Variants in PLEKHA6 observed in about 807,000 individuals in gnomAD.
PLEKHA6 encodes the protein pleckstrin homology domain containing A6.
Under a neutral mutation model 116.7 loss-of-function variants are expected in PLEKHA6, and 60 were observed. The observed-to-expected ratio is 0.51, with a 90% CI of 0.42 to 0.64. PLEKHA6 has a LOEUF of 0.64. Among genes scored for constraint, PLEKHA6 ranks in the 30% least tolerant of loss-of-function variants. The pLI is 0.00. For synonymous variants in PLEKHA6, 489 were observed against 556.1 expected (o/e 0.88, Z 1.70); for missense variants, 1,338 against 1,422.7 (o/e 0.94, Z 0.96).
At chr1:204,362,934 T>C (rs1364062344), upstream of PLEKHA6, among the ~76,000 whole-genome samples, 3 of 152,240 alleles carry the variant, frequency 2.0e-5, no homozygotes, top group African/African-American at 7.2e-5. Context: ...CAGCCTGTTT[T>C]CCTCACCTGC....
At chr1:204,236,653 G>C (rs1483128657) in intron 17 of PLEKHA6, among the ~76,000 whole-genome samples, 3 of 152,176 alleles carry the variant, frequency 2.0e-5, no homozygotes, top group Non-Finnish European at 2.9e-5. Flanking sequence ...ATGTACAGCA[G>C]AGGCAAAATG....
At position 204,261,559 on chromosome 1, in the gene PLEKHA6, T is replaced by G. The variant is rs1666121168; in HGVS notation, c.382-111A>C. 2 of 1,210,710 alleles carry G rather than the reference T, an allele frequency of 1.7e-6. No homozygotes were observed. The highest frequency in any genetic ancestry group is 1.5e-5 in the African/African-American group (1 of 65,536). The allele number at this position is 1,210,710 out of a possible 1,614,324, so 75.0% of individuals were successfully genotyped here. ...ACAGAATGGGCAGTCAGTTGGGCCA[T>G]TCCCTGCACCTGGGGCTCTTCCCCA... is the stretch of plus-strand genomic sequence containing the variant. On this transcript the variant is annotated intron_variant, in intron 6 of 22. Coordinates refer to ENST00000272203, the MANE Select transcript of PLEKHA6 (RefSeq NM_014935.5). The surrounding 1 kb of genome is among the most constrained non-coding windows in gnomAD (Gnocchi z 4.0).
Position 204,245,706 on chromosome 1 carries a change from T to A in PLEKHA6, c.1941A>T (p.Gln647His). ...LDTQNEVLNR[Q>H]IQKEIWRIQD... is the part of the protein sequence containing the mutation. ...GGATCCTCCAGATCTCCTTTTGGATTTGCCGGTTCAGCACCTCATTCTGAA... is the reference window on the plus strand; with the variant it reads ...GGATCCTCCAGATCTCCTTTTGGATATGCCGGTTCAGCACCTCATTCTGAA... The change falls in exon 14 of 23, where the codon CAA (glutamine) becomes CAT (histidine). Residue 647 changes from glutamine to histidine, a missense_variant. Gln to His is a conservative substitution (Grantham distance 24). This residue lies in a region of PLEKHA6 where 1,136 missense variants were observed against 1,163.6 expected (regional missense o/e 0.98). Coordinates refer to ENST00000272203, the MANE Select transcript of PLEKHA6 (RefSeq NM_014935.5). 1 of 1,613,204 alleles carries A rather than the reference T, an allele frequency of 6.2e-7. No homozygotes were observed. The highest frequency in any genetic ancestry group is 8.5e-7 in the Non-Finnish European group (1 of 1,179,540).
chr1:204,220,638 T>C lies in PLEKHA6; in HGVS notation c.*2150A>G, dbSNP rs1571695301. The C allele has an allele frequency of 6.6e-6, 1 of 152,666 alleles. No homozygotes were observed. Among genetic ancestry groups the C allele is most frequent in the East Asian group, 1.9e-4 (1 of 5,182 alleles). 9.5% of individuals were successfully genotyped at this position (152,666 alleles called of 1,614,324 possible). On this transcript the variant is annotated 3_prime_UTR_variant, in exon 23 of 23. Coordinates refer to ENST00000272203, the MANE Select transcript of PLEKHA6 (RefSeq NM_014935.5). ...ATCAAAAAGGCAAGGGGTATGGTCT[T>C]GATATGCTAGGAATGATGTGGAAAA...
chr1:204,265,068 G>GGTGTGT (rs5780223), intron 5 of PLEKHA6, 26 bp from the exon 6 acceptor site: 151 of 1,308,924 alleles, frequency 1.2e-4, no homozygotes, highest in Admixed American at 2.8e-4. Flanking sequence ...GCACAAGAAG[G>GGTGTGT]GTGTGTGTGT....
chr1:204,232,601 A>G (rs936949924), intron 17 of PLEKHA6, among the ~76,000 whole-genome samples: 1 of 152,262 alleles, frequency 6.6e-6, no homozygotes, highest in Non-Finnish European at 1.5e-5. Context: ...AAGGACAGAG[A>G]TAAGATGAAA....
At chr1:204,244,819 G>T (rs1663407938) in intron 15 of PLEKHA6, 45 bp downstream of exon 15, 5 of 1,452,068 alleles carry the variant, frequency 3.4e-6, no homozygotes, top group Admixed American at 4.5e-5. Context: ...ACGAGGATCT[G>T]GTCCTCCCTC....
intron 1 of PLEKHA6, chr1:204,301,585 T>G: frequency 1.8e-5 from 7 of 383,148 alleles, no homozygotes; most frequent in Non-Finnish European, 2.1e-5. Context: ...CCTAGGGCCA[T>G]TCCCAGGGGA....
intron 1 of PLEKHA6, among the ~76,000 whole-genome samples, chr1:204,295,515 A>G (rs1468800775): frequency 6.6e-6 from 1 of 151,722 alleles, no homozygotes; most frequent in Non-Finnish European, 1.5e-5. Flanking sequence ...AACAACAAAA[A>G]AAAAATTCTA....
chr1:204,308,791 C>T (rs184379037), intron 1 of PLEKHA6, among the ~76,000 whole-genome samples: 2,862 of 144,212 alleles, frequency 0.02, 43 homozygotes, highest in Non-Finnish European at 0.025. Flanking sequence ...CGGGTTCACG[C>T]CATTCTCCTC....
At chr1:204,292,481 A>G (rs1471201774) in intron 1 of PLEKHA6, among the ~76,000 whole-genome samples, 3 of 151,394 alleles carry the variant, frequency 2.0e-5, no homozygotes, top group African/African-American at 7.3e-5. Context: ...CCCGGGCACT[A>G]TGTCCCTCAC....
chr1:204,248,671 T>C (rs926773656), intron 12 of PLEKHA6, 150 bp downstream of exon 12: 4 of 625,110 alleles, frequency 6.4e-6, no homozygotes, highest in African/African-American at 5.5e-5. Context: ...CAGGGCAATA[T>C]TGAGGTCTTT....
At chr1:204,252,977 G>A (rs971943426) in intron 9 of PLEKHA6, among the ~76,000 whole-genome samples, 2 of 152,224 alleles carry the variant, frequency 1.3e-5, no homozygotes, top group African/African-American at 4.8e-5. Flanking sequence ...CTGTGCTGCG[G>A]CTTTGGGGAT....
At chr1:204,236,757 T>G (rs905455955) in intron 17 of PLEKHA6, among the ~76,000 whole-genome samples, 1 of 152,126 alleles carries the variant, frequency 6.6e-6, no homozygotes, top group African/African-American at 2.4e-5. Flanking sequence ...CCTACTGCAT[T>G]CCTACTTAAT....
intron 21 of PLEKHA6, among the ~76,000 whole-genome samples, chr1:204,227,627 T>G (rs781732979): frequency 4.6e-5 from 7 of 152,198 alleles, no homozygotes; most frequent in Non-Finnish European, 1.0e-4. Flanking sequence ...TTGGTTGCCC[T>G]CACTATCTTT....
chr1:204,287,521 C>A (rs2103007798), intron 1 of PLEKHA6, among the ~76,000 whole-genome samples: 1 of 152,318 alleles, frequency 6.6e-6, no homozygotes, highest in East Asian at 1.9e-4. Flanking sequence ...TTGTTCTCAA[C>A]TGACAACCTT....
chr1:204,235,806 C>T (rs1661964246), intron 17 of PLEKHA6, among the ~76,000 whole-genome samples: 1 of 152,180 alleles, frequency 6.6e-6, no homozygotes, highest in Non-Finnish European at 1.5e-5. Flanking sequence ...ATAGTGGCAA[C>T]ATCCCCTCCC....
intron 9 of PLEKHA6, chr1:204,256,867 G>A (rs758345704): frequency 7.1e-5 from 47 of 663,270 alleles, no homozygotes; most frequent in African/African-American, 4.0e-4. Context: ...GGGACTGGCC[G>A]CCTGTCTCCC....
At chr1:204,267,373 G>T in intron 5 of PLEKHA6, 102 bp downstream of exon 5, 1 of 926,606 alleles carries the variant, frequency 1.1e-6, no homozygotes, top group Non-Finnish European at 1.8e-6. Flanking sequence ...GATCTGCCCT[G>T]CTGGTGCCCA....
Sources: gnomAD v4.1 joint callset for allele counts (sites outside exome capture counted in the v4.1 genomes callset) on GRCh38, gnomAD v4.1.1 for gene constraint, gnomAD v4.1.1 regional missense constraint, Gnocchi (gnomAD v3.1) non-coding constraint, MANE v1.5 for transcripts, NCBI Gene and HGNC (gene_info 2026-07-23, HGNC 2026-07-21) for gene names.